Variants in HSD17B6 observed in about 807,000 individuals in gnomAD.
HSD17B6 encodes the protein hydroxysteroid 17-beta dehydrogenase 6, also known as 17-beta-hydroxysteroid dehydrogenase type 6.
In HSD17B6, 16 loss-of-function variants were observed where a neutral mutation model predicts 26.4. The ratio of observed to expected loss-of-function variants is 0.61; its 90% CI spans 0.41 to 0.92. HSD17B6 has a LOEUF of 0.92. Among genes scored for constraint, HSD17B6 ranks in the 40% least tolerant of loss-of-function variants. The pLI is 0.00. For missense variants in HSD17B6, 357 were observed against 386.1 expected (o/e 0.92, Z 0.63); for synonymous variants, 139 against 153.0 (o/e 0.91, Z 0.68).
chr12:56,769,560 A>G (rs1954424693), intron 1 of HSD17B6, among the ~76,000 whole-genome samples: 1 of 152,188 alleles, frequency 6.6e-6, no homozygotes, highest in Admixed American at 6.6e-5. Flanking sequence ...AATAAAATTA[A>G]CCAGATAGCA....
chr12:56,778,549 T>G (rs1267182124), intron 2 of HSD17B6, among the ~76,000 whole-genome samples: 1 of 152,158 alleles, frequency 6.6e-6, no homozygotes, highest in African/African-American at 2.4e-5. Context: ...AGTGCTGGGA[T>G]TACAGGCATG....
At chr12:56,778,441 C>G (rs1387338061) in intron 2 of HSD17B6, among the ~76,000 whole-genome samples, 2 of 152,052 alleles carry the variant, frequency 1.3e-5, no homozygotes, top group East Asian at 3.9e-4. Context: ...GCACACACCA[C>G]CATGCCCGTC....
chr12:56,782,806 G>T (rs1432860716), intron 3 of HSD17B6, among the ~76,000 whole-genome samples: 1 of 152,040 alleles, frequency 6.6e-6, no homozygotes, highest in Non-Finnish European at 1.5e-5. Flanking sequence ...GAGTGTTTGT[G>T]TCCCTGGGTA....
intron 3 of HSD17B6, among the ~76,000 whole-genome samples, chr12:56,783,524 G>A (rs1452714834): frequency 6.8e-6 from 1 of 146,686 alleles, no homozygotes; most frequent in South Asian, 2.1e-4. Flanking sequence ...GGATGGGGCG[G>A]CCGGCCGGGC....
chr12:56,766,861 T>C (rs1954340675), intron 1 of HSD17B6, among the ~76,000 whole-genome samples: 1 of 151,608 alleles, frequency 6.6e-6, no homozygotes, highest in African/African-American at 2.4e-5. Context: ...AGAACGGGAG[T>C]AGAGCATCTC....
chr12:56,773,789 G>C, intron 1 of HSD17B6, 45 bp from the exon 2 acceptor site: 1 of 1,486,416 alleles, frequency 6.7e-7, no homozygotes, highest in Non-Finnish European at 9.0e-7. Flanking sequence ...AGATATATTG[G>C]TTAAATAATA....
At chr12:56,783,591 CT>C (rs1954787911) in intron 3 of HSD17B6, among the ~76,000 whole-genome samples, 1 of 137,944 alleles carries the variant, frequency 7.2e-6, no homozygotes. Flanking sequence ...CGGGCGGGGG[CT>C]GACCCCCCCA....
In HSD17B6 at chr12:56,774,153, G is replaced by A. The variant is rs758671495; in HGVS notation, c.301G>A (p.Val101Met). Residue 101 changes from valine (V) to methionine (M), a missense_variant, in exon 2 of 5, where the codon GTG (valine) becomes ATG (methionine). By Grantham distance (21) the Val-to-Met change is conservative. Coordinates refer to ENST00000322165, the MANE Select transcript of HSD17B6 (RefSeq NM_003725.4). Reference protein sequence around the residue: ...AAATQWVKEHVGDRGLWGLVN... With the variant: ...AAATQWVKEHMGDRGLWGLVN... ...AGCTACTCAGTGGGTGAAGGAGCATGTGGGGGACAGAGGTATGAAATATTT... is the reference window on the plus strand; with the variant it reads ...AGCTACTCAGTGGGTGAAGGAGCATATGGGGGACAGAGGTATGAAATATTT... 3.8e-6 allele frequency: 6 copies of A among 1,567,626 alleles called. No individual in the cohort carries two copies. The highest frequency in any genetic ancestry group is 1.7e-4 in the Middle Eastern group (1 of 5,838).
Position 56,782,070 on chromosome 12 carries a change from A to T in HSD17B6, c.410A>T (p.Asn137Ile), listed in dbSNP as rs1409759673. The T allele has an allele frequency of 6.2e-7, 1 of 1,614,166 alleles. No homozygotes were observed. Among genetic ancestry groups the T allele is most frequent in the Admixed American group, 1.7e-5 (1 of 60,018 alleles). Reference sequence around the variant, plus strand: ...GACTCTATGAATATGCTCAAAGTGAACCTCATTGGTGTGATCCAGGTGACC... The same window carrying T: ...GACTCTATGAATATGCTCAAAGTGATCCTCATTGGTGTGATCCAGGTGACC... Reference protein sequence around the residue: ...TEDSMNMLKVNLIGVIQVTLS... With the variant: ...TEDSMNMLKVILIGVIQVTLS... Residue 137 changes from asparagine to isoleucine, a missense_variant, in exon 3 of 5, where the codon AAC (asparagine) becomes ATC (isoleucine). Coordinates refer to ENST00000322165, the MANE Select transcript of HSD17B6 (RefSeq NM_003725.4).
chr12:56,770,778 T>C (rs1215754953), intron 1 of HSD17B6, among the ~76,000 whole-genome samples: 4 of 152,084 alleles, frequency 2.6e-5, no homozygotes, highest in African/African-American at 9.7e-5. Context: ...AAGGAGGGTA[T>C]AGTCAATTCT....
At chr12:56,783,574 G>A (rs1371622560) in intron 3 of HSD17B6, among the ~76,000 whole-genome samples, 2 of 143,706 alleles carry the variant, frequency 1.4e-5, no homozygotes, top group East Asian at 2.1e-4. Flanking sequence ...CGGACAGGAC[G>A]GCTGGCCGGG....
At chr12:56,785,816 T>A (rs535231503) in intron 4 of HSD17B6, 1 of 220,856 alleles carries the variant, frequency 4.5e-6, no homozygotes, top group African/African-American at 2.3e-5. Flanking sequence ...GGAGAAAGCA[T>A]GTAGGTGGGA....
At chr12:56,767,415 G>A (rs1954354809) in intron 1 of HSD17B6, among the ~76,000 whole-genome samples, 1 of 151,062 alleles carries the variant, frequency 6.6e-6, no homozygotes, top group Non-Finnish European at 1.5e-5. Context: ...TACTCGGGAG[G>A]CTGAGGCAGG....
In HSD17B6 at chr12:56,784,854, C is replaced by A. The variant is rs775807379; in HGVS notation, c.574C>A (p.Arg192Ser). 5 of 1,612,456 alleles carry A rather than the reference C, an allele frequency of 3.1e-6. No individual in the cohort carries two copies. Among genetic ancestry groups the A allele is most frequent in the Non-Finnish European group, 4.2e-6 (5 of 1,179,580 alleles). The change falls in exon 4 of 5, where the codon CGT becomes AGT. Residue 192 changes from arginine (R) to serine (S), a missense_variant and splice_region_variant. Transcript: ENST00000322165. Reference sequence around the variant, plus strand: ...ATAACTTGTGGGGTTTTATTTCAGGCGTGAGATTCAACATTTTGGGGTGAA... The same window carrying A: ...ATAACTTGTGGGGTTTTATTTCAGGAGTGAGATTCAACATTTTGGGGTGAA... Reference protein sequence around the residue: ...GVEAFSDILRREIQHFGVKIS... With the variant: ...GVEAFSDILRSEIQHFGVKIS...
intron 1 of HSD17B6, among the ~76,000 whole-genome samples, chr12:56,764,514 T>C (rs1954280906): frequency 6.6e-6 from 1 of 152,158 alleles, no homozygotes; most frequent in African/African-American, 2.4e-5. Flanking sequence ...ATAATGCACA[T>C]TCCCATGGCA....
At chr12:56,777,151 G>A (rs565452426) in intron 2 of HSD17B6, among the ~76,000 whole-genome samples, 1 of 152,268 alleles carries the variant, frequency 6.6e-6, no homozygotes, top group African/African-American at 2.4e-5. Context: ...GAGAGGCTGA[G>A]GTGGGAACAT....
At chr12:56,775,973 T>C (rs1565919205) in intron 2 of HSD17B6, among the ~76,000 whole-genome samples, 1 of 152,214 alleles carries the variant, frequency 6.6e-6, no homozygotes, top group Non-Finnish European at 1.5e-5. Context: ...TCACACAGGT[T>C]GGAGTGCAAT....
At chr12:56,765,476 C>A (rs781206304) in intron 1 of HSD17B6, among the ~76,000 whole-genome samples, 15 of 151,976 alleles carry the variant, frequency 9.9e-5, no homozygotes, top group Non-Finnish European at 1.8e-4. Flanking sequence ...ACACAAAAAA[C>A]CAATCCTTTT....
Position 56,773,955 on chromosome 12 carries a change from A to T in HSD17B6, c.103A>T (p.Thr35Ser), listed in dbSNP as rs562369944. 1.8e-5 allele frequency: 29 copies of T among 1,614,002 alleles called. No homozygotes were observed. In the South Asian group the frequency reaches 2.9e-4, roughly 16 times the overall value. ...CCTCCAAGACAAGTATGTCTTTATC[A>T]CGGGCTGTGACTCGGGCTTTGGGAA... The part of the protein sequence containing the change: ...SHLQDKYVFI[T>S]GCDSGFGNLL... Residue 35 changes from threonine to serine, a missense_variant, in exon 2 of 5, where the codon ACG becomes TCG. Coordinates refer to ENST00000322165, the MANE Select transcript of HSD17B6 (RefSeq NM_003725.4).
Sources: allele counts gnomAD v4.1 joint callset (sites outside exome capture counted in the v4.1 genomes callset), GRCh38; gene constraint gnomAD v4.1.1; transcripts MANE v1.5; gene names NCBI Gene and HGNC (gene_info 2026-07-23, HGNC 2026-07-21).